SLC48A1: variants seen among roughly 807,000 people sequenced by gnomAD.
SLC48A1 encodes the protein solute carrier family 48 member 1.
SLC48A1 carries 6 observed loss-of-function variants against 14.8 expected under a neutral mutation model. That is an observed-to-expected ratio of 0.41 (90% CI 0.22 to 0.80). SLC48A1 has a LOEUF of 0.80. Ranked by LOEUF, SLC48A1 falls within the 30% of genes least tolerant of loss-of-function variation. The probability of loss-of-function intolerance (pLI) is 0.34; values close to 1 mark genes in which losing one functional copy is unlikely to be tolerated. For synonymous variants in SLC48A1, 89 were observed against 90.0 expected, an observed-to-expected ratio of 0.99 and a Z score of 0.06; for missense variants, 165 against 204.8, an observed-to-expected ratio of 0.81 and a Z score of 1.19.
At chr12:47,772,399 A>T (rs1051512034), upstream of SLC48A1, 1 of 153,906 alleles carries the variant, frequency 6.5e-6, no homozygotes, top group African/African-American at 2.4e-5. Context: ...GGTCCGTTGC[A>T]GTGGCTCAAG....
At chr12:47,759,363 G>C (rs1414419726) in intron 1 of SLC48A1, among the ~76,000 whole-genome samples, 1 of 144,850 alleles carries the variant, frequency 6.9e-6, no homozygotes, top group African/African-American at 2.6e-5. Flanking sequence ...GGGGAATCCC[G>C]CTGCCTTGCC....
intron 2 of SLC48A1, among the ~76,000 whole-genome samples, chr12:47,761,216 AG>A (rs1449866675): frequency 2.0e-5 from 3 of 147,150 alleles, no homozygotes; most frequent in Non-Finnish European, 3.0e-5. Flanking sequence ...AAAAAAAGGC[AG>A]GGGGGAAATC....
At chr12:47,757,986 G>C (rs1261465179), upstream of SLC48A1, 1 of 1,570,362 alleles carries the variant, frequency 6.4e-7, no homozygotes, top group Non-Finnish European at 8.6e-7. Flanking sequence ...CCGGCACCAC[G>C]TCAGGGAGGG....
At position 47,780,314 on chromosome 12, in the gene SLC48A1, G is replaced by C. The variant is rs757912582; in HGVS notation, c.*33G>C. On this transcript the variant is annotated 3_prime_UTR_variant, in exon 3 of 3. Coordinates refer to ENST00000442218, the MANE Select transcript of SLC48A1 (RefSeq NM_017842.3). ...GGTGAGGTCTCTGCACCCTGGGGGG[G>C]CCTTAGGACCTGGACTCAGCCTCTG... The C allele has an allele frequency of 1.2e-6, 2 of 1,613,976 alleles. No homozygotes were observed. The highest frequency in any genetic ancestry group is 1.1e-5 in the South Asian group (1 of 91,094).
At chr12:47,769,599 G>A (rs945933964), upstream of SLC48A1, 12 of 152,310 alleles carry the variant, frequency 7.9e-5, no homozygotes, top group Non-Finnish European at 1.5e-4. Flanking sequence ...AAGACTTGGC[G>A]TATGTCATGC....
At chr12:47,773,802 A>G (rs1416871149) in intron 1 of SLC48A1, among the ~76,000 whole-genome samples, 2 of 147,854 alleles carry the variant, frequency 1.4e-5, no homozygotes, top group South Asian at 2.1e-4. Context: ...GTCGCCTCCT[A>G]TCCCCAAACA....
At chr12:47,769,005 A>G (rs1427368797), upstream of SLC48A1, 1 of 152,226 alleles carries the variant, frequency 6.6e-6, no homozygotes, top group Non-Finnish European at 1.5e-5. Context: ...CATTCATTCA[A>G]GCCTAGGTTC....
rs552969657 is a variant in SLC48A1 at position 47,774,643 on chromosome 12, G to A, written c.136+1203G>A. On this transcript the variant is annotated intron_variant, in intron 1 of 2. Coordinates refer to ENST00000442218, the MANE Select transcript of SLC48A1 (RefSeq NM_017842.3). ...CTGAGTGCCATCCCTGGGTAGAGTC[G>A]CAGCATGAGGTGGGGTTAATGCCTT... Among the ~76,000 whole-genome samples, 49 of 152,234 alleles carry A rather than the reference G, an allele frequency of 3.2e-4. 1 individual carries two copies. Among genetic ancestry groups the A allele is most frequent in the Non-Finnish European group, 5.4e-4 (37 of 68,012 alleles).
upstream of SLC48A1, among the ~76,000 whole-genome samples, chr12:47,754,354 G>A (rs922363316): frequency 6.6e-6 from 1 of 152,250 alleles, no homozygotes; most frequent in Non-Finnish European, 1.5e-5. Flanking sequence ...AGACAGGTTT[G>A]TTATTCTACC....
At chr12:47,757,274 C>T (rs1942130385), upstream of SLC48A1, among the ~76,000 whole-genome samples, 1 of 152,158 alleles carries the variant, frequency 6.6e-6, no homozygotes, top group African/African-American at 2.4e-5. Context: ...CCTGCTCTCT[C>T]CTTCATTCTT....
upstream of SLC48A1, among the ~76,000 whole-genome samples, chr12:47,772,748 G>A (rs1173751897): frequency 6.6e-6 from 1 of 152,126 alleles, no homozygotes; most frequent in African/African-American, 2.4e-5. Context: ...GCAGTCAGAA[G>A]GTGATGGTCG....
intron 1 of SLC48A1, among the ~76,000 whole-genome samples, chr12:47,775,291 C>T (rs1180900117): frequency 3.9e-5 from 6 of 152,224 alleles, no homozygotes; most frequent in Non-Finnish European, 7.3e-5. Flanking sequence ...ACTCTGCCCT[C>T]TCTCCCTCCC....
At chr12:47,774,762 C>G (rs892513771) in intron 1 of SLC48A1, among the ~76,000 whole-genome samples, 1 of 152,116 alleles carries the variant, frequency 6.6e-6, no homozygotes, top group African/African-American at 2.4e-5. Context: ...AGGGTGTTCT[C>G]TGCCTGCCCA....
upstream of SLC48A1, among the ~76,000 whole-genome samples, chr12:47,754,813 G>A (rs963812139): frequency 2.0e-5 from 3 of 152,188 alleles, no homozygotes; most frequent in Non-Finnish European, 2.9e-5. Context: ...ATGAGTCAAG[G>A]TGAAGGTCCT....
chr12:47,769,653 C>CAAT (rs1236131633), upstream of SLC48A1: 5 of 152,138 alleles, frequency 3.3e-5, no homozygotes, highest in Admixed American at 3.3e-4. Flanking sequence ...ACAGCAGCAG[C>CAAT]AATAATTTGT....
At chr12:47,778,966 C>G in intron 1 of SLC48A1, 62 bp from the exon 2 acceptor site, 2 of 1,494,094 alleles carry the variant, frequency 1.3e-6, no homozygotes, top group Non-Finnish European at 9.0e-7. Flanking sequence ...TAGGCCTGGT[C>G]TAGTGGATCT....
chr12:47,759,212 G>A (rs1548518), intron 1 of SLC48A1: 307,830 of 628,746 alleles, frequency 0.49, 75,607 homozygotes, highest in East Asian at 0.57. Flanking sequence ...AAACCGGGGA[G>A]AGCGGGGAGG....
At chr12:47,768,174 G>A (rs985249152), upstream of SLC48A1, among the ~76,000 whole-genome samples, 1 of 152,060 alleles carries the variant, frequency 6.6e-6, no homozygotes, top group African/African-American at 2.4e-5. Context: ...GATGGGTTTT[G>A]CCATGTTGGC....
At chr12:47,773,585 GC>G in intron 1 of SLC48A1, 145 bp downstream of exon 1, 1 of 1,201,276 alleles carries the variant, frequency 8.3e-7, no homozygotes, top group South Asian at 3.6e-5. Context: ...GCGGCGGCAG[GC>G]CCCACGCGGG....
Sources: gnomAD v4.1 joint callset for allele counts (sites outside exome capture counted in the v4.1 genomes callset) on GRCh38, gnomAD v4.1.1 for gene constraint, MANE v1.5 for transcripts, NCBI Gene and HGNC (gene_info 2026-07-23, HGNC 2026-07-21) for gene names.